TRABD2B: variants seen among roughly 807,000 people sequenced by gnomAD.
TRABD2B encodes the protein metalloprotease TIKI2.
A neutral mutation model predicts 40.1 loss-of-function variants in TRABD2B; 14 were observed. That is an observed-to-expected ratio of 0.35 (90% CI 0.23 to 0.55). The LOEUF (loss-of-function observed/expected upper bound fraction) is 0.55. TRABD2B is among the 20% of genes least tolerant of loss of function. TRABD2B has a pLI of 0.90. For missense variants in TRABD2B, 541 were observed against 648.6 expected (o/e 0.83, Z 1.80); for synonymous variants, 263 against 277.0 (o/e 0.95, Z 0.50).
intron 2 of TRABD2B, among the ~76,000 whole-genome samples, chr1:47,916,297 C>A (rs573247289): frequency 1.3e-5 from 2 of 152,330 alleles, no homozygotes; most frequent in Non-Finnish European, 2.9e-5. Flanking sequence ...TCATTCAACA[C>A]TCCAACATCC....
intron 2 of TRABD2B, among the ~76,000 whole-genome samples, chr1:47,913,038 G>A (rs1056089069): frequency 2.0e-5 from 3 of 152,178 alleles, no homozygotes; most frequent in African/African-American, 4.8e-5. Flanking sequence ...GCTGTGAAAA[G>A]GTTCTTTTAC....
At chr1:47,788,422 T>G (rs1644625909) in intron 4 of TRABD2B, among the ~76,000 whole-genome samples, 1 of 152,208 alleles carries the variant, frequency 6.6e-6, no homozygotes, top group Admixed American at 6.5e-5. Context: ...GGGGGCTGCA[T>G]GTGCCAAATG....
At chr1:47,912,431 T>C (rs537997580) in intron 2 of TRABD2B, among the ~76,000 whole-genome samples, 1 of 152,224 alleles carries the variant, frequency 6.6e-6, no homozygotes, top group East Asian at 1.9e-4. Context: ...GGTTGAGACA[T>C]ATATGTACTT....
At chr1:47,950,577 C>A (rs1213968180) in intron 2 of TRABD2B, among the ~76,000 whole-genome samples, 1 of 152,118 alleles carries the variant, frequency 6.6e-6, no homozygotes, top group Non-Finnish European at 1.5e-5. Context: ...AAAACAGGGG[C>A]CAGGGGATGG....
intron 6 of TRABD2B, among the ~76,000 whole-genome samples, chr1:47,769,354 C>T (rs955724897): frequency 1.3e-5 from 2 of 152,138 alleles, no homozygotes; most frequent in East Asian, 1.9e-4. Context: ...CATCAGAAGG[C>T]GAGACCAAGT....
Position 47,996,660 on chromosome 1 carries a change from G to A in TRABD2B, c.102+28C>T, listed in dbSNP as rs369740659. On this transcript the variant is annotated intron_variant, in intron 1 of 6. Coordinates refer to ENST00000606738, the MANE Select transcript of TRABD2B (RefSeq NM_001194986.2). This position sits in a 1 kb window ranked among gnomAD's most constrained non-coding sequence, Gnocchi z 4.6. ...GGGACTAGAATACCCAGGCAGGCGG[G>A]AGAGTGGCCGGGCAGGCGCTCGCTC... 1.6e-6 allele frequency: 2 copies of A among 1,228,572 alleles called. No homozygotes were observed. Among genetic ancestry groups the A allele is most frequent in the African/African-American group, 1.6e-5 (1 of 64,322 alleles). 76.1% of individuals were successfully genotyped at this position (1,228,572 alleles called of 1,614,324 possible).
chr1:47,883,455 G>C (rs533962894), intron 2 of TRABD2B, among the ~76,000 whole-genome samples: 1 of 152,292 alleles, frequency 6.6e-6, no homozygotes, highest in African/African-American at 2.4e-5. Context: ...CATAACTAGG[G>C]GGTAGGGAGT....
intron 2 of TRABD2B, among the ~76,000 whole-genome samples, chr1:47,980,536 A>G (rs1037983650): frequency 4.6e-5 from 7 of 152,306 alleles, no homozygotes; most frequent in African/African-American, 1.7e-4. Context: ...GACAGGTGGG[A>G]AGCGACATTC....
intron 2 of TRABD2B, among the ~76,000 whole-genome samples, chr1:47,810,425 A>G (rs1387262239): frequency 6.6e-6 from 1 of 152,072 alleles, no homozygotes; most frequent in African/African-American, 2.4e-5. Flanking sequence ...GAGAGGTGAC[A>G]TTTGAGAAAA....
At chr1:47,881,108 A>T (rs1644297452) in intron 2 of TRABD2B, among the ~76,000 whole-genome samples, 1 of 152,156 alleles carries the variant, frequency 6.6e-6, no homozygotes, top group Non-Finnish European at 1.5e-5. Context: ...CACAGCCAAG[A>T]ATCTGGTTTT....
chr1:47,990,768 GTTTTATATAT>G (rs1645990661), intron 2 of TRABD2B, among the ~76,000 whole-genome samples: 1 of 44,938 alleles, frequency 2.2e-5, no homozygotes, highest in Non-Finnish European at 3.8e-5. Context: ...TAAAACGTTG[GTTTTATATAT>G]ATATATATAT....
chr1:47,802,828 A>G (rs1287805558), intron 2 of TRABD2B, among the ~76,000 whole-genome samples: 7 of 152,026 alleles, frequency 4.6e-5, no homozygotes, highest in Non-Finnish European at 8.8e-5. Context: ...TAAATGCACA[A>G]ATCTGATGAT....
At position 47,761,457 on chromosome 1, in the gene TRABD2B, T is replaced by G. The variant is rs1167039265; in HGVS notation, c.*4445A>C. ...CCCAAAGGCAGCAGTCAAGCCCAGC[T>G]GGGTCATTGAAGGGGGCGCTGTGAG... is the stretch of plus-strand genomic sequence containing the variant. On this transcript the variant is annotated 3_prime_UTR_variant, in exon 7 of 7. Coordinates refer to ENST00000606738, the MANE Select transcript of TRABD2B (RefSeq NM_001194986.2). The G allele has an allele frequency of 2.6e-5, 4 of 152,310 alleles. No homozygotes were observed. The highest frequency in any genetic ancestry group is 9.7e-5 in the African/African-American group (4 of 41,422). The allele number at this position is 152,310 out of a possible 1,614,324, so 9.4% of individuals were successfully genotyped here.
intron 2 of TRABD2B, among the ~76,000 whole-genome samples, chr1:47,821,003 A>G (rs1051723719): frequency 6.6e-6 from 1 of 152,122 alleles, no homozygotes; most frequent in Non-Finnish European, 1.5e-5. Flanking sequence ...CCGTCCTTGC[A>G]TCCTCTGGGC....
chr1:47,794,820 G>C, intron 3 of TRABD2B, 60 bp from the exon 4 acceptor site: 1 of 1,352,106 alleles, frequency 7.4e-7, no homozygotes, highest in Non-Finnish European at 9.7e-7. Context: ...TTTGATAAAG[G>C]GTGTTACTGT....
chr1:47,797,452 C>T (rs1644763616), intron 3 of TRABD2B, among the ~76,000 whole-genome samples: 2 of 152,174 alleles, frequency 1.3e-5, no homozygotes, highest in Admixed American at 1.3e-4. Context: ...CCCTCTCCTT[C>T]CAAGGGTCCC....
At chr1:47,837,961 C>T (rs185814443) in intron 2 of TRABD2B, among the ~76,000 whole-genome samples, 2 of 152,272 alleles carry the variant, frequency 1.3e-5, no homozygotes, top group Non-Finnish European at 2.9e-5. Context: ...GGAGCCAGCA[C>T]GGGGATTCAA....
chr1:47,768,321 G>A (rs1302146713), intron 6 of TRABD2B, among the ~76,000 whole-genome samples: 1 of 101,680 alleles, frequency 9.8e-6, no homozygotes. Flanking sequence ...GAGTGTGTGT[G>A]TGTGGAAGTG....
In TRABD2B at chr1:47,997,338, T is replaced by G. The variant is rs1646109662; in HGVS notation, c.-549A>C. The G allele has an allele frequency of 1.3e-5, 5 of 380,352 alleles. No individual in the cohort carries two copies. The highest frequency in any genetic ancestry group is 4.9e-5 in the African/African-American group (2 of 40,712). 23.6% of individuals were successfully genotyped at this position (380,352 alleles called of 1,614,324 possible). On this transcript the variant is annotated 5_prime_UTR_variant, in exon 1 of 7. Coordinates refer to ENST00000606738, the MANE Select transcript of TRABD2B (RefSeq NM_001194986.2). ...GGGCGGCGGGCGGCCGCGCGGCCGCTGCCCGGGCTCCGCCATGCTGCTCCG... is the reference window on the plus strand; with the variant it reads ...GGGCGGCGGGCGGCCGCGCGGCCGCGGCCCGGGCTCCGCCATGCTGCTCCG...
Sources: allele counts gnomAD v4.1 joint callset (sites outside exome capture counted in the v4.1 genomes callset), GRCh38; gene constraint gnomAD v4.1.1; non-coding constraint Gnocchi (gnomAD v3.1); transcripts MANE v1.5; gene names NCBI Gene and HGNC (gene_info 2026-07-23, HGNC 2026-07-21).